The following CEP120 variants were observed in gnomAD, a reference collection of about 807,000 sequenced individuals.
CEP120 encodes centrosomal protein of 120 kDa.
In CEP120, 113 loss-of-function variants were observed where a neutral mutation model predicts 126.5. That is an observed-to-expected ratio of 0.89 (90% confidence interval 0.77 to 1.04). CEP120 has a LOEUF of 1.04. CEP120 is among the 50% of genes least tolerant of loss of function. The pLI, the probability that CEP120 is intolerant of heterozygous loss-of-function variation, is 0.00. For missense variants in CEP120, 1,230 were observed against 1,155.7 expected, an observed-to-expected ratio of 1.06 and a Z score of -0.93; for synonymous variants, 400 against 394.3, an observed-to-expected ratio of 1.01 and a Z score of -0.17.
chr5:123,360,465 G>T (rs187377986), intron 18 of CEP120, among the ~76,000 whole-genome samples: 1 of 151,892 alleles, frequency 6.6e-6, no homozygotes, highest in East Asian at 1.9e-4. Flanking sequence ...ATTAAAATTG[G>T]TTTGCAATGA....
In CEP120 at chr5:123,345,452, T is replaced by TTAAAG. The variant is rs1187592864; in HGVS notation, c.*1062_*1066dup. ...TATTATATTTGGAAATCAGAACTTT[T>TTAAAG]TAAAGTACATATATTTTGAAATTCA... On this transcript the variant is annotated 3_prime_UTR_variant, in exon 20 of 20. Transcript: ENST00000306467. 8.5e-5 allele frequency: 13 copies of TTAAAG among 152,270 alleles called. No homozygotes were observed. Among genetic ancestry groups the TTAAAG allele is most frequent in the African/African-American group, 2.9e-4 (12 of 41,570 alleles). 9.4% of individuals were successfully genotyped at this position (152,270 alleles called of 1,614,324 possible). A position where few individuals can be genotyped will look rare whatever the true frequency, so the allele number is the denominator to read the frequency against.
intron 5 of CEP120, among the ~76,000 whole-genome samples, chr5:123,397,383 T>C (rs1228870519): frequency 6.6e-6 from 1 of 152,100 alleles, no homozygotes; most frequent in Non-Finnish European, 1.5e-5. Context: ...ACAGTAAAAA[T>C]ACAGTACATT....
chr5:123,370,565 C>A (rs192720901), intron 17 of CEP120, among the ~76,000 whole-genome samples: 8 of 151,636 alleles, frequency 5.3e-5, no homozygotes, highest in Non-Finnish European at 7.4e-5. Context: ...TAGTCTCAAC[C>A]TCTTTGGGCT....
In CEP120 at chr5:123,345,374, G is replaced by A. The variant is rs1281957281; in HGVS notation, c.*1145C>T. On this transcript the variant is annotated 3_prime_UTR_variant, in exon 20 of 20. Transcript: ENST00000306467. ...TTAATGTTACCATATATCCTACTCT[G>A]CTTTGATGGAAGTTATTGGTAACTT... is the stretch of plus-strand genomic sequence containing the variant. 1 of 151,968 alleles carries A rather than the reference G, an allele frequency of 6.6e-6. No individual in the cohort carries two copies. The highest frequency in any genetic ancestry group is 2.4e-5 in the African/African-American group (1 of 41,372). 9.4% of individuals were successfully genotyped at this position (151,968 alleles called of 1,614,324 possible).
chr5:123,402,332 C>T (rs1050603196), intron 4 of CEP120: 2 of 1,417,308 alleles, frequency 1.4e-6, no homozygotes, highest in Admixed American at 4.6e-5. Context: ...TCTGGGTCCC[C>T]TAATGGACAT....
chr5:123,388,813 G>C (rs1474226455), intron 8 of CEP120, among the ~76,000 whole-genome samples: 1 of 152,038 alleles, frequency 6.6e-6, no homozygotes, highest in East Asian at 1.9e-4. Flanking sequence ...CTAGAATTGT[G>C]TGAAAAAAGA....
intron 5 of CEP120, among the ~76,000 whole-genome samples, chr5:123,397,197 G>A (rs1214323948): frequency 1.3e-5 from 2 of 152,116 alleles, no homozygotes; most frequent in Non-Finnish European, 2.9e-5. Flanking sequence ...GATGGCAGGT[G>A]CCTGTAATCC....
intron 16 of CEP120, 141 bp from the exon 17 acceptor site, chr5:123,372,913 G>C (rs1256718442): frequency 4.8e-6 from 3 of 627,294 alleles, no homozygotes; most frequent in Non-Finnish European, 7.8e-6. Context: ...AGTACAATGA[G>C]GAAAATAAAG....
At chr5:123,415,867 C>CA (rs550040687) in intron 3 of CEP120, 143 bp downstream of exon 3, 20,145 of 413,472 alleles carry the variant, frequency 0.049, no homozygotes, top group South Asian at 0.064. Flanking sequence ...GACTCCGTCT[C>CA]AAAAAAAAAA....
chr5:123,388,331 T>C lies in CEP120; in HGVS notation c.1430+101A>G, dbSNP rs1049238719. ...CCTTTTAGTCCACTGATTTAACAAA[T>C]GTTATAACTTCTTTGGTGACATTTC... On this transcript the variant is annotated intron_variant, in intron 9 of 19. Coordinates refer to ENST00000306467, the MANE Select transcript of CEP120 (RefSeq NM_001375405.1). 21 of 764,818 alleles carry C rather than the reference T, an allele frequency of 2.7e-5. No individual in the cohort carries two copies. The Middle Eastern group carries it at 2.4e-3, about 86-fold the overall frequency. 47.4% of individuals were successfully genotyped at this position (764,818 alleles called of 1,614,324 possible).
In CEP120 at chr5:123,384,957, G is replaced by C; in HGVS notation, c.1757C>G (p.Ala586Gly). ...ATTCTGTGAAATGCATTACCCTTGT[G>C]CTGCTATAACAGGCACACTTTCACT... is the stretch of plus-strand genomic sequence containing the variant. Reference protein sequence around the residue: ...TYSESVPVIAAQGSNNRIADL... With the variant: ...TYSESVPVIAGQGSNNRIADL... Residue 586 changes from alanine to glycine, a missense_variant, in exon 11 of 20, where the codon GCA becomes GGA. Ala to Gly is a moderately conservative substitution (Grantham distance 60, BLOSUM62 0). Coordinates refer to ENST00000306467, the MANE Select transcript of CEP120 (RefSeq NM_001375405.1). 6.2e-7 allele frequency: 1 copy of C among 1,604,030 alleles called. No homozygotes were observed.
intron 19 of CEP120, among the ~76,000 whole-genome samples, chr5:123,348,897 G>A (rs76431931): frequency 0.012 from 1,858 of 152,200 alleles, 15 homozygotes; most frequent in Middle Eastern, 0.024. Flanking sequence ...CACTGGCACC[G>A]TGATCTTTGA....
intron 4 of CEP120, chr5:123,403,210 A>G (rs1441004786): frequency 2.2e-6 from 1 of 445,858 alleles, no homozygotes; most frequent in Admixed American, 2.5e-5. Context: ...GATATCAGCT[A>G]ACATACCTAG....
At chr5:123,411,007 T>G (rs1018101957) in intron 4 of CEP120, among the ~76,000 whole-genome samples, 1 of 152,058 alleles carries the variant, frequency 6.6e-6, no homozygotes, top group Non-Finnish European at 1.5e-5. Flanking sequence ...CAACCCAATT[T>G]AAAAATGGGC....
intron 1 of CEP120, among the ~76,000 whole-genome samples, chr5:123,421,799 C>G (rs1774734911): frequency 6.6e-6 from 1 of 152,088 alleles, no homozygotes; most frequent in Non-Finnish European, 1.5e-5. Flanking sequence ...TATTTCAGTC[C>G]TATGTTTTTA....
At chr5:123,398,957 C>T in intron 5 of CEP120, among the ~76,000 whole-genome samples, 179 bp downstream of exon 5, 1 of 151,718 alleles carries the variant, frequency 6.6e-6, no homozygotes, top group Non-Finnish European at 1.5e-5. Context: ...TCATCAAAAT[C>T]TATTTTTTCT....
At chr5:123,392,146 A>G (rs1772446102) in intron 6 of CEP120, among the ~76,000 whole-genome samples, 1 of 152,210 alleles carries the variant, frequency 6.6e-6, no homozygotes, top group South Asian at 2.1e-4. Context: ...CAAAGTTATT[A>G]TAAGGTGTAA....
intron 4 of CEP120, among the ~76,000 whole-genome samples, chr5:123,400,605 TCATA>T (rs1773124561): frequency 6.7e-6 from 1 of 148,740 alleles, no homozygotes; most frequent in South Asian, 2.1e-4. Flanking sequence ...AATTCAGATA[TCATA>T]TATATACATA....
intron 17 of CEP120, among the ~76,000 whole-genome samples, chr5:123,367,058 A>G (rs1770517291): frequency 1.3e-5 from 2 of 151,840 alleles, no homozygotes; most frequent in Admixed American, 1.3e-4. Context: ...AATGGTTTCT[A>G]TCACATTCCT....
Sources: gnomAD v4.1 joint callset for allele counts (sites outside exome capture counted in the v4.1 genomes callset) on GRCh38, gnomAD v4.1.1 for gene constraint, MANE v1.5 for transcripts, NCBI Gene and HGNC (gene_info 2026-07-23, HGNC 2026-07-21) for gene names.